Variants in RBPJ observed in about 807,000 individuals in gnomAD.
RBPJ encodes the protein recombination signal binding protein for immunoglobulin kappa J region, also known as recombining binding protein suppressor of hairless.
RBPJ carries 9 observed loss-of-function variants against 67.8 expected under a neutral mutation model. The ratio of observed to expected loss-of-function variants is 0.13; its 90% CI spans 0.08 to 0.23. The LOEUF (loss-of-function observed/expected upper bound fraction) is 0.23. Among genes scored for constraint, RBPJ ranks in the 10% least tolerant of loss-of-function variants. RBPJ has a pLI of 1.00. For missense variants in RBPJ, 305 were observed against 595.6 expected (o/e 0.51, Z 5.08); for synonymous variants, 198 against 203.3 (o/e 0.97, Z 0.22).
chr4:26,261,362 G>A (rs928876541), intron 1 of RBPJ, among the ~76,000 whole-genome samples: 11 of 152,156 alleles, frequency 7.2e-5, no homozygotes, highest in Admixed American at 3.3e-4. Flanking sequence ...AAAGGCAGAG[G>A]AGCATTCTTA....
At chr4:26,200,431 G>T (rs1383064768) in intron 1 of RBPJ, among the ~76,000 whole-genome samples, 1 of 152,102 alleles carries the variant, frequency 6.6e-6, no homozygotes, top group Admixed American at 6.5e-5. Flanking sequence ...AACTTTGGGA[G>T]CCTGAAGTGG....
At chr4:26,109,743 A>G in the RBPJ span, among the ~76,000 whole-genome samples, 4 of 146,844 alleles carry the variant, frequency 2.7e-5, 1 homozygote, top group Admixed American at 1.4e-4. Context: ...ATATATATAT[A>G]TACTTCCTCC....
chr4:26,165,526 T>A (rs560718683), intron 1 of RBPJ, among the ~76,000 whole-genome samples: 3 of 152,090 alleles, frequency 2.0e-5, no homozygotes, highest in Admixed American at 2.0e-4. Context: ...TATGAATAAA[T>A]GTAAAATGAT....
chr4:26,143,077 G>C, the RBPJ span, among the ~76,000 whole-genome samples: 2 of 152,160 alleles, frequency 1.3e-5, no homozygotes, highest in African/African-American at 4.8e-5. Context: ...ATTTCACTAT[G>C]TAATGACTAC....
chr4:26,221,872 T>C (rs1189510392), intron 1 of RBPJ, among the ~76,000 whole-genome samples: 1 of 152,204 alleles, frequency 6.6e-6, no homozygotes, highest in Non-Finnish European at 1.5e-5. Flanking sequence ...GCCAGTGCAA[T>C]GCTGTGTCCC....
the RBPJ span, among the ~76,000 whole-genome samples, chr4:26,106,663 T>C: frequency 6.6e-6 from 1 of 152,220 alleles, no homozygotes; most frequent in Non-Finnish European, 1.5e-5. Context: ...CGCTGTTTTG[T>C]AGTATGCCTT....
chr4:26,285,112 C>T (rs1721419073), intron 1 of RBPJ, among the ~76,000 whole-genome samples: 1 of 152,182 alleles, frequency 6.6e-6, no homozygotes, highest in African/African-American at 2.4e-5. Context: ...ACCTCGGCCT[C>T]CCAAAGTGCT....
chr4:26,331,224 G>A (rs1724217469), intron 1 of RBPJ, among the ~76,000 whole-genome samples: 1 of 152,060 alleles, frequency 6.6e-6, no homozygotes, highest in South Asian at 2.1e-4. Context: ...TGAGCTTCCT[G>A]AGTAGTTGGG....
At chr4:26,294,066 GT>G (rs1195392544) in intron 1 of RBPJ, among the ~76,000 whole-genome samples, 1 of 15,146 alleles carries the variant, frequency 6.6e-5, no homozygotes, top group Non-Finnish European at 1.3e-4. Context: ...CCAGGAAGTT[GT>G]TTTTGTTTTT....
intron 2 of RBPJ, among the ~76,000 whole-genome samples, chr4:26,390,912 T>C (rs1205578858): frequency 1.3e-5 from 2 of 152,116 alleles, no homozygotes; most frequent in Non-Finnish European, 2.9e-5. Flanking sequence ...AAAAATTAGC[T>C]GGGCATGTTG....
At chr4:26,298,168 T>G (rs76321514) in intron 1 of RBPJ, among the ~76,000 whole-genome samples, 1 of 152,212 alleles carries the variant, frequency 6.6e-6, no homozygotes, top group Non-Finnish European at 1.5e-5. Flanking sequence ...ATATTTTTTT[T>G]CAAACACTAA....
intron 1 of RBPJ, among the ~76,000 whole-genome samples, chr4:26,193,715 C>CA (rs1167458904): frequency 6.6e-6 from 1 of 152,188 alleles, no homozygotes; most frequent in Non-Finnish European, 1.5e-5. Flanking sequence ...TCAAGCTTCA[C>CA]ACGGCAGCCA....
At chr4:26,300,789 T>C (rs1722049759) in intron 1 of RBPJ, among the ~76,000 whole-genome samples, 1 of 152,228 alleles carries the variant, frequency 6.6e-6, no homozygotes, top group African/African-American at 2.4e-5. Context: ...GTTCAGGAAA[T>C]TCTTCTTTTT....
intron 1 of RBPJ, among the ~76,000 whole-genome samples, chr4:26,268,738 G>T (rs547499752): frequency 3.9e-5 from 6 of 152,028 alleles, no homozygotes; most frequent in Non-Finnish European, 7.4e-5. Flanking sequence ...CCTGGCTGAG[G>T]GGGGAGGGGC....
upstream of RBPJ, among the ~76,000 whole-genome samples, chr4:26,160,074 G>A (rs1403174798): frequency 2.6e-5 from 4 of 151,958 alleles, no homozygotes; most frequent in Non-Finnish European, 2.9e-5. Flanking sequence ...GCCCGCCACC[G>A]TGCCCGGCTA....
rs113679295 is a variant in RBPJ at position 26,246,212 on chromosome 4, T to C, written c.-167+82598T>C. 3.9e-3 allele frequency among the ~76,000 whole-genome samples: 588 copies of C among 152,356 alleles called. 4 individuals are homozygous for C. Among genetic ancestry groups the C allele is most frequent in the African/African-American group, 0.014 (567 of 41,588 alleles). On this transcript the variant is annotated intron_variant, in intron 1 of 4. Transcript: ENST00000512351. ...TCTGTGAACATGGGATGTCTTTCCA[T>C]TTATTTAGGTCTTCTTTAATTTATT... is the stretch of plus-strand genomic sequence containing the variant.
At chr4:26,113,277 C>T in the RBPJ span, 1 of 365,588 alleles carries the variant, frequency 2.7e-6, no homozygotes, top group South Asian at 3.3e-5. Flanking sequence ...GAAGTTACAT[C>T]TCACTCAGCT....
At chr4:26,360,765 AT>A (rs60415068) in intron 1 of RBPJ, among the ~76,000 whole-genome samples, 9 of 143,938 alleles carry the variant, frequency 6.3e-5, no homozygotes, top group African/African-American at 1.5e-4. Flanking sequence ...GGTTTTTTTT[AT>A]TTTTTTTTTC....
upstream of RBPJ, among the ~76,000 whole-genome samples, chr4:26,314,712 T>C (rs1722545371): frequency 6.6e-6 from 1 of 152,186 alleles, no homozygotes; most frequent in Admixed American, 6.5e-5. Flanking sequence ...TCATGCTTCC[T>C]GTACAGTCTG....
Sources: gnomAD v4.1 joint callset for allele counts (sites outside exome capture counted in the v4.1 genomes callset) on GRCh38, gnomAD v4.1.1 for gene constraint, MANE v1.5 for transcripts, NCBI Gene and HGNC (gene_info 2026-07-23, HGNC 2026-07-21) for gene names.